Variants in MR1 observed in about 807,000 individuals in gnomAD.
MR1 encodes major histocompatibility complex, class I-related, also known as major histocompatibility complex class I-related protein 1.
Under a neutral mutation model 37.8 loss-of-function variants are expected in MR1, and 44 were observed. That is an observed-to-expected ratio of 1.16 (90% CI 0.91 to 1.50). The LOEUF (loss-of-function observed/expected upper bound fraction) is 1.50, where lower values mean the gene tolerates loss of function less well. MR1 is among the 40% of genes most tolerant of loss of function. The pLI, the probability that MR1 is intolerant of heterozygous loss-of-function variation, is 0.00. For missense variants in MR1, 386 were observed against 419.1 expected, an observed-to-expected ratio of 0.92 and a Z score of 0.69; for synonymous variants, 153 against 155.8, an observed-to-expected ratio of 0.98 and a Z score of 0.13.
chr1:181,052,319 C>CA lies in MR1; in HGVS notation c.690dup (p.Glu231ArgfsTer18). ...TGCAAAGCTCATGGCTTTTACCCCC[C>CA]AGAAATTTACATGACATGGATGAAA... On this transcript the variant is annotated frameshift_variant, in exon 4 of 6. Transcript: ENST00000367580. LOFTEE classifies it high-confidence loss of function. 6.2e-7 allele frequency: 1 copy of CA among 1,614,174 alleles called. No individual in the cohort carries two copies. Among genetic ancestry groups the CA allele is most frequent in the Non-Finnish European group, 8.5e-7 (1 of 1,180,040 alleles).
At position 181,053,675 on chromosome 1, in the gene MR1, G is replaced by A. The variant is rs777324974; in HGVS notation, c.983G>A (p.Arg328Gln). The A allele has an allele frequency of 9.3e-6, 15 of 1,607,460 alleles. No individual in the cohort carries two copies. The highest frequency in any genetic ancestry group is 3.3e-5 in the Admixed American group (2 of 59,992). The change falls in exon 5 of 6, where the codon CGA becomes CAA. Residue 328 changes from arginine (R) to glutamine (Q), a missense_variant and splice_region_variant. Physicochemically the swap from Arg to Gln is conservative, Grantham distance 43. Coordinates refer to ENST00000367580, the MANE Select transcript of MR1 (RefSeq NM_001385161.1). ...GTTCTAGTCTGGAGAAGAAGGCCCC[G>A]AGGTGAGAGGCACATGGAAGGGATC... ...VGVLVWRRRP[R>Q]EQNGAIYLPT...
At chr1:181,048,357 A>G (rs1347312537) in intron 1 of MR1, among the ~76,000 whole-genome samples, 1 of 152,058 alleles carries the variant, frequency 6.6e-6, no homozygotes, top group Non-Finnish European at 1.5e-5. Context: ...AACATGATGA[A>G]ACACTGACTC....
intron 3 of MR1, chr1:181,051,325 G>C (rs964986579): frequency 6.6e-6 from 1 of 151,906 alleles, no homozygotes; most frequent in Non-Finnish European, 1.5e-5. Flanking sequence ...TTTCTTACAG[G>C]CCCTATCAAA....
chr1:181,045,547 C>A (rs1657806075), intron 1 of MR1, among the ~76,000 whole-genome samples: 1 of 152,052 alleles, frequency 6.6e-6, no homozygotes, highest in African/African-American at 2.4e-5. Flanking sequence ...CCCCTCCCAG[C>A]CCCTCTGCCT....
chr1:181,045,516 C>T (rs879348996), intron 1 of MR1, among the ~76,000 whole-genome samples: 12 of 152,028 alleles, frequency 7.9e-5, no homozygotes, highest in Non-Finnish European at 1.6e-4. Flanking sequence ...TGCCCTGCTC[C>T]CCCTGCCCGC....
At position 181,037,945 on chromosome 1, in the gene MR1, C is replaced by G. The variant is rs531297133; in HGVS notation, c.67+3871C>G. Reference sequence around the variant, plus strand: ...GCTCAAATGCCACCTGCTGTGGTCCCTCTATCTAAAAGATCAGGCCTTCTC... The same window carrying G: ...GCTCAAATGCCACCTGCTGTGGTCCGTCTATCTAAAAGATCAGGCCTTCTC... On this transcript the variant is annotated intron_variant, in intron 1 of 5. Transcript: ENST00000367580. Among the ~76,000 whole-genome samples the G allele has an allele frequency of 5.3e-5, 8 of 152,190 alleles. No individual in the cohort carries two copies. The South Asian group carries it at 1.7e-3, about 32-fold the overall frequency.
At chr1:181,040,355 C>G (rs770099718) in intron 1 of MR1, among the ~76,000 whole-genome samples, 1 of 152,020 alleles carries the variant, frequency 6.6e-6, no homozygotes, top group Non-Finnish European at 1.5e-5. Flanking sequence ...CCAAATGATT[C>G]GAAATCTGAT....
At chr1:181,048,883 CA>C in intron 1 of MR1, among the ~76,000 whole-genome samples, 168 bp from the exon 2 acceptor site, 1 of 152,342 alleles carries the variant, frequency 6.6e-6, no homozygotes, top group South Asian at 2.1e-4. Context: ...ACGTCCTGTC[CA>C]GGCCCCGGTT....
rs1268629569 is a variant in MR1 at position 181,060,947 on chromosome 1, C to T, written c.*5682C>T. 2 of 152,234 alleles carry T rather than the reference C, an allele frequency of 1.3e-5. No homozygotes were observed. The highest frequency in any genetic ancestry group is 1.5e-5 in the Non-Finnish European group (1 of 68,088). 9.4% of individuals were successfully genotyped at this position (152,234 alleles called of 1,614,324 possible). On this transcript the variant is annotated 3_prime_UTR_variant, in exon 6 of 6. Transcript: ENST00000367580. ...TGGATATAAGATTTCTGAAAACACT[C>T]AGACTGTGGAGACCCCTGCTGAGGG...
At chr1:181,046,880 G>A (rs893904588) in intron 1 of MR1, among the ~76,000 whole-genome samples, 10 of 152,028 alleles carry the variant, frequency 6.6e-5, no homozygotes, top group Admixed American at 6.6e-4. Flanking sequence ...CACTCACTGC[G>A]AAGGTCTGCA....
At chr1:181,049,867 T>C in intron 2 of MR1, 144 bp from the exon 3 acceptor site, 1 of 907,040 alleles carries the variant, frequency 1.1e-6, no homozygotes, top group East Asian at 2.4e-5. Context: ...GGGGACCTCC[T>C]GGGGACTCAG....
intron 1 of MR1, among the ~76,000 whole-genome samples, chr1:181,038,677 C>T (rs576143530): frequency 6.6e-6 from 1 of 152,232 alleles, no homozygotes; most frequent in Non-Finnish European, 1.5e-5. Flanking sequence ...GCTTCCCCTA[C>T]ACTAGGGAGG....
At chr1:181,049,784 C>T (rs529679485) in intron 2 of MR1, 105 of 568,538 alleles carry the variant, frequency 1.8e-4, no homozygotes, top group African/African-American at 1.1e-3. Flanking sequence ...CTCCCCAAGG[C>T]GGGAATTAGC....
chr1:181,045,433 C>T (rs1657798074), intron 1 of MR1, among the ~76,000 whole-genome samples: 1 of 152,048 alleles, frequency 6.6e-6, no homozygotes, highest in South Asian at 2.1e-4. Flanking sequence ...TCACTGTGCT[C>T]CAGACGTCCC....
chr1:181,053,525 A>G, intron 4 of MR1, 48 bp from the exon 5 acceptor site: 2 of 1,424,928 alleles, frequency 1.4e-6, no homozygotes, highest in East Asian at 2.3e-5. Flanking sequence ...AAGTTAACAC[A>G]GAAGGGAAAG....
At chr1:181,036,307 TC>T (rs1657265791) in intron 1 of MR1, among the ~76,000 whole-genome samples, 1 of 152,228 alleles carries the variant, frequency 6.6e-6, no homozygotes, top group African/African-American at 2.4e-5. Flanking sequence ...CCTTGTTTGT[TC>T]CGTTAACCTT....
rs1356314803 is a variant in MR1, at chr1:181,059,482, G to A, written c.*4217G>A. 1.3e-5 allele frequency: 2 copies of A among 152,350 alleles called. 1 individual carries two copies. The highest frequency in any genetic ancestry group is 4.1e-4 in the South Asian group (2 of 4,838). The allele number at this position is 152,350 out of a possible 1,614,324, so 9.4% of individuals were successfully genotyped here. ...AATTTGGATATGGCTTGGGTAAGCA[G>A]TTCTGGCTTCTCATGGAGTTGGAGG... On this transcript the variant is annotated 3_prime_UTR_variant, in exon 6 of 6. Coordinates refer to ENST00000367580, the MANE Select transcript of MR1 (RefSeq NM_001385161.1).
intron 1 of MR1, among the ~76,000 whole-genome samples, chr1:181,045,025 A>G (rs1657775488): frequency 6.6e-6 from 1 of 152,236 alleles, no homozygotes; most frequent in Admixed American, 6.5e-5. Context: ...CTTCGAAGCC[A>G]TACAAAGGGC....
At chr1:181,051,951 A>G (rs571862855) in intron 3 of MR1, among the ~76,000 whole-genome samples, 1 of 152,342 alleles carries the variant, frequency 6.6e-6, no homozygotes, top group African/African-American at 2.4e-5. Context: ...AAAGGTTACT[A>G]GTAAACAACC....
Sources: allele counts gnomAD v4.1 joint callset (sites outside exome capture counted in the v4.1 genomes callset), GRCh38; gene constraint gnomAD v4.1.1; transcripts MANE v1.5; gene names NCBI Gene and HGNC (gene_info 2026-07-23, HGNC 2026-07-21).